The following FAM107B variants were observed in gnomAD, a reference collection of about 807,000 sequenced individuals.
The protein encoded by FAM107B is family with sequence similarity 107 member B, also known as protein FAM107B.
A neutral mutation model predicts 31.5 loss-of-function variants in FAM107B; 21 were observed. The observed-to-expected ratio is 0.67, with a 90% confidence interval of 0.47 to 0.96. FAM107B has a LOEUF of 0.96. Among genes scored for constraint, FAM107B ranks in the 40% least tolerant of loss-of-function variants. The pLI is 0.00. For missense variants in FAM107B, 452 were observed against 377.1 expected (o/e 1.20, Z -1.64); for synonymous variants, 157 against 141.5 (o/e 1.11, Z -0.78).
At chr10:14,699,896 A>G (rs1483195969) in intron 1 of FAM107B, among the ~76,000 whole-genome samples, 2 of 152,184 alleles carry the variant, frequency 1.3e-5, no homozygotes, top group Non-Finnish European at 2.9e-5. Flanking sequence ...CAGCGAGTGC[A>G]GGGGATAGTG....
chr10:14,674,162 G>A (rs1305937564), intron 1 of FAM107B, among the ~76,000 whole-genome samples: 1 of 152,130 alleles, frequency 6.6e-6, no homozygotes, highest in Non-Finnish European at 1.5e-5. Flanking sequence ...AGAAAACATA[G>A]GGAAAACACT....
In FAM107B at chr10:14,774,255, T is replaced by G; in HGVS notation, c.409A>C (p.Lys137Gln). The G allele has an allele frequency of 1.2e-6, 2 of 1,607,280 alleles. No homozygotes were observed. Among genetic ancestry groups the G allele is most frequent in the South Asian group, 2.2e-5 (2 of 90,366 alleles). The change falls in exon 1 of 5, where the codon AAG becomes CAG. Residue 137 changes from lysine (K) to glutamine (Q), a missense_variant and splice_region_variant. By Grantham distance (53) the Lys-to-Gln change is moderately conservative. Transcript: ENST00000181796. ...TCGCAGAGCGAACACTCACTCACCT[T>G]GGGCGTGTCAATAATTGATGGTCTG... The part of the protein sequence containing the change: ...IPRPSIIDTP[K>Q]EEEFREEPKC...
At chr10:14,550,465 C>A (rs1022154142) in intron 2 of FAM107B, among the ~76,000 whole-genome samples, 111 of 152,288 alleles carry the variant, frequency 7.3e-4, no homozygotes, top group African/African-American at 2.6e-3. Flanking sequence ...TCTGTTACTA[C>A]CTAATAACTC....
intron 1 of FAM107B, among the ~76,000 whole-genome samples, chr10:14,768,296 T>C (rs1340565236): frequency 1.3e-5 from 2 of 152,168 alleles, no homozygotes; most frequent in African/African-American, 4.8e-5. Flanking sequence ...GAAAAATTCG[T>C]CCTAAAATTT....
At chr10:14,554,046 G>A in intron 2 of FAM107B, 3 of 950,502 alleles carry the variant, frequency 3.2e-6, no homozygotes, top group Non-Finnish European at 3.8e-6. Context: ...CCCATCCTAA[G>A]AGGCTCACTG....
At chr10:14,578,253 C>T (rs767102179) in intron 2 of FAM107B, among the ~76,000 whole-genome samples, 1 of 152,194 alleles carries the variant, frequency 6.6e-6, no homozygotes, top group East Asian at 1.9e-4. Context: ...CTTATCTGTG[C>T]CCTGGATGCT....
intron 1 of FAM107B, among the ~76,000 whole-genome samples, chr10:14,676,550 A>G (rs907574281): frequency 2.0e-5 from 3 of 152,210 alleles, no homozygotes; most frequent in Admixed American, 6.5e-5. Context: ...ATCCCACAAT[A>G]AAAATTCAAA....
At chr10:14,763,965 T>C (rs1197568741) in intron 1 of FAM107B, among the ~76,000 whole-genome samples, 1 of 152,266 alleles carries the variant, frequency 6.6e-6, no homozygotes, top group African/African-American at 2.4e-5. Context: ...GATTTTCTTG[T>C]ACCACTATTC....
At chr10:14,621,946 G>A (rs1853022189) in intron 2 of FAM107B, among the ~76,000 whole-genome samples, 1 of 152,198 alleles carries the variant, frequency 6.6e-6, no homozygotes, top group Admixed American at 6.5e-5. Flanking sequence ...ATATGTTCAA[G>A]TTGCTCTGTG....
In FAM107B at chr10:14,682,992, G is replaced by A. The variant is rs550787065; in HGVS notation, c.412-15301C>T. Among the ~76,000 whole-genome samples the A allele has an allele frequency of 9.2e-5, 14 of 152,330 alleles. No homozygotes were observed. The South Asian group carries it at 2.9e-3, about 32-fold the overall frequency. ...AAGGGGTCCTCCTGCAGCAAAGACT[G>A]CAAAGCATTGTCAGAGAAACTGCCA... On this transcript the variant is annotated intron_variant, in intron 1 of 4. Transcript: ENST00000181796.
chr10:14,554,009 G>A, intron 2 of FAM107B: 1 of 683,442 alleles, frequency 1.5e-6, no homozygotes, highest in Non-Finnish European at 1.8e-6. Context: ...CACCTCCCAG[G>A]CTTGCTGCAA....
At chr10:14,527,358 A>G (rs557845837) in intron 3 of FAM107B, among the ~76,000 whole-genome samples, 61 of 152,200 alleles carry the variant, frequency 4.0e-4, no homozygotes, top group Non-Finnish European at 8.2e-4. Flanking sequence ...ATTACACACT[A>G]GAAAGAGCAT....
intron 2 of FAM107B, among the ~76,000 whole-genome samples, chr10:14,634,815 G>A (rs944485758): frequency 5.3e-5 from 8 of 152,118 alleles, no homozygotes; most frequent in African/African-American, 1.4e-4. Flanking sequence ...TCTTGGCCGG[G>A]TGCGGTGTCT....
intron 2 of FAM107B, among the ~76,000 whole-genome samples, chr10:14,636,453 A>G (rs1176180276): frequency 1.3e-5 from 2 of 152,166 alleles, no homozygotes; most frequent in East Asian, 1.9e-4. Flanking sequence ...TAATAACTCA[A>G]CGTAATGATG....
At chr10:14,616,357 A>C (rs1348267920) in intron 2 of FAM107B, among the ~76,000 whole-genome samples, 2 of 152,224 alleles carry the variant, frequency 1.3e-5, no homozygotes, top group Non-Finnish European at 2.9e-5. Flanking sequence ...CATTGTTTTT[A>C]CTGAGATTTC....
At chr10:14,643,585 T>C (rs1444330637) in intron 2 of FAM107B, among the ~76,000 whole-genome samples, 1 of 152,052 alleles carries the variant, frequency 6.6e-6, no homozygotes, top group Non-Finnish European at 1.5e-5. Context: ...GATTTTTGTA[T>C]TTTCAGTAGA....
At chr10:14,760,857 C>T (rs1373006809) in intron 1 of FAM107B, among the ~76,000 whole-genome samples, 1 of 151,796 alleles carries the variant, frequency 6.6e-6, no homozygotes, top group Non-Finnish European at 1.5e-5. Flanking sequence ...ACTAAAACTA[C>T]AAAAATTAGC....
At chr10:14,565,636 T>C (rs1281945793) in intron 2 of FAM107B, among the ~76,000 whole-genome samples, 2 of 152,118 alleles carry the variant, frequency 1.3e-5, no homozygotes, top group African/African-American at 4.8e-5. Context: ...ACAAGTTAGG[T>C]ATGGGCTGGA....
intron 1 of FAM107B, among the ~76,000 whole-genome samples, chr10:14,726,324 A>G (rs531107164): frequency 1.3e-5 from 2 of 152,272 alleles, no homozygotes; most frequent in East Asian, 1.9e-4. Context: ...AAATGAACAC[A>G]TAAAAATCTA....
Sources: allele counts gnomAD v4.1 joint callset (sites outside exome capture counted in the v4.1 genomes callset), GRCh38; gene constraint gnomAD v4.1.1; transcripts MANE v1.5; gene names NCBI Gene and HGNC (gene_info 2026-07-23, HGNC 2026-07-21).